Variants in TFPI observed in about 807,000 individuals in gnomAD.
TFPI encodes anti-convertin.
TFPI carries 15 observed loss-of-function variants against 34.6 expected under a neutral mutation model. That is an observed-to-expected ratio of 0.43 (90% CI 0.29 to 0.67). The LOEUF (loss-of-function observed/expected upper bound fraction) is 0.67. TFPI is among the 30% of genes least tolerant of loss of function. The probability of loss-of-function intolerance (pLI) is 0.15; values close to 1 mark genes in which losing one functional copy is unlikely to be tolerated. For synonymous variants in TFPI, 105 were observed against 120.1 expected, an observed-to-expected ratio of 0.87 and a Z score of 0.82; for missense variants, 301 against 364.0, an observed-to-expected ratio of 0.83 and a Z score of 1.41.
intron 1 of TFPI, among the ~76,000 whole-genome samples, chr2:187,529,819 T>G (rs1260176749): frequency 6.6e-6 from 1 of 152,236 alleles, no homozygotes. Context: ...AATTCAATTC[T>G]TTCCTTTCCA....
chr2:187,529,161 A>G (rs183541583), intron 1 of TFPI, among the ~76,000 whole-genome samples: 2 of 152,336 alleles, frequency 1.3e-5, no homozygotes, highest in Admixed American at 6.5e-5. Context: ...GTTTGGTAAG[A>G]ATGCTGCATC....
chr2:187,476,542 G>A (rs371633301), intron 6 of TFPI, among the ~76,000 whole-genome samples: 4 of 152,030 alleles, frequency 2.6e-5, no homozygotes, highest in South Asian at 4.1e-4. Context: ...GTCTCTGCAT[G>A]TCACCCAGGC....
intron 1 of TFPI, among the ~76,000 whole-genome samples, chr2:187,521,965 T>C (rs1687400326): frequency 6.6e-6 from 1 of 152,150 alleles, no homozygotes; most frequent in Non-Finnish European, 1.5e-5. Flanking sequence ...CTCATTATTA[T>C]TTGATTTTCA....
At chr2:187,535,711 A>G (rs1688212348) in intron 1 of TFPI, among the ~76,000 whole-genome samples, 1 of 152,292 alleles carries the variant, frequency 6.6e-6, no homozygotes. Flanking sequence ...AAAAGCTAAC[A>G]GAAGACAAGA....
chr2:187,517,887 T>C (rs1559138785), intron 1 of TFPI: 2 of 152,222 alleles, frequency 1.3e-5, no homozygotes, highest in East Asian at 3.8e-4. Context: ...CCCTTTACCA[T>C]TATATAACGC....
At chr2:187,552,177 T>C (rs545454342) in intron 1 of TFPI, among the ~76,000 whole-genome samples, 5 of 152,094 alleles carry the variant, frequency 3.3e-5, no homozygotes, top group African/African-American at 1.2e-4. Flanking sequence ...TAGGTAGAGA[T>C]ATCAGTTGAA....
At chr2:187,485,245 A>G (rs1037247398) in intron 4 of TFPI, among the ~76,000 whole-genome samples, 4 of 151,772 alleles carry the variant, frequency 2.6e-5, no homozygotes, top group African/African-American at 9.7e-5. Flanking sequence ...TAAGGAATAA[A>G]AGATTATTTT....
chr2:187,513,114 T>TA (rs1388102865), intron 1 of TFPI, among the ~76,000 whole-genome samples: 2 of 152,044 alleles, frequency 1.3e-5, no homozygotes, highest in Admixed American at 1.3e-4. Flanking sequence ...ATTAAAAGGT[T>TA]AAAAAAAAGT....
chr2:187,478,545 C>T (rs1170563922), intron 6 of TFPI: 1 of 1,267,434 alleles, frequency 7.9e-7, no homozygotes, highest in Non-Finnish European at 1.0e-6. Context: ...GCTAGTTAGA[C>T]ATTTACAAGT....
At chr2:187,527,066 A>ATTTTG (rs1261403484) in intron 1 of TFPI, 1 of 151,992 alleles carries the variant, frequency 6.6e-6, no homozygotes, top group Non-Finnish European at 1.5e-5. Context: ...ATGTGCTTTC[A>ATTTTG]TTTTGTTTTA....
intron 6 of TFPI, 200 bp downstream of exon 6, chr2:187,483,924 T>G: frequency 1.8e-6 from 1 of 544,526 alleles, no homozygotes. Flanking sequence ...AAGCATACTT[T>G]AAAATAGATT....
At chr2:187,532,856 A>C (rs1039771414) in intron 1 of TFPI, among the ~76,000 whole-genome samples, 2 of 152,278 alleles carry the variant, frequency 1.3e-5, no homozygotes, top group Admixed American at 1.3e-4. Flanking sequence ...CTAGCACAGC[A>C]GCCTTAAGTC....
Position 187,523,084 on chromosome 2 carries a change from C to A in TFPI, c.-2-19314G>T, listed in dbSNP as rs563687832. On this transcript the variant is annotated intron_variant, in intron 1 of 7. Coordinates refer to ENST00000233156, the MANE Select transcript of TFPI (RefSeq NM_006287.6). ...GTTTCACTGAGATACAATCACTATACAAGGAACTGCACATATTACTGTCTA... is the reference window on the plus strand; with the variant it reads ...GTTTCACTGAGATACAATCACTATAAAAGGAACTGCACATATTACTGTCTA... Among the ~76,000 whole-genome samples the A allele has an allele frequency of 3.3e-3, 506 of 151,996 alleles. 12 individuals are homozygous for A. The highest frequency in any genetic ancestry group is 0.012 in the African/African-American group (485 of 41,416).
Position 187,465,020 on chromosome 2 carries a change from G to A in TFPI, c.*1916C>T, listed in dbSNP as rs1220465129. The stretch of plus-strand genomic sequence containing the variant: ...GTAATTAACATTCAGTGTACAGTGA[G>A]CATTCTTAACTAAATCAAAGTAGTC... On this transcript the variant is annotated 3_prime_UTR_variant, in exon 8 of 8. Transcript: ENST00000233156. 6.6e-6 allele frequency: 1 copy of A among 152,144 alleles called. No homozygotes were observed. Among genetic ancestry groups the A allele is most frequent in the Admixed American group, 6.5e-5 (1 of 15,268 alleles). The allele number at this position is 152,144 out of a possible 1,614,324, so 9.4% of individuals were successfully genotyped here. A position where few individuals can be genotyped will look rare whatever the true frequency, so the allele number is the denominator to read the frequency against.
chr2:187,494,888 A>T (rs1234617246), intron 3 of TFPI, among the ~76,000 whole-genome samples: 1 of 152,018 alleles, frequency 6.6e-6, no homozygotes, highest in African/African-American at 2.4e-5. Flanking sequence ...ATACCCAGCT[A>T]ATTTTTGTAT....
chr2:187,474,194 T>G (rs558278620), intron 6 of TFPI, among the ~76,000 whole-genome samples: 1 of 152,318 alleles, frequency 6.6e-6, no homozygotes, highest in East Asian at 1.9e-4. Flanking sequence ...ATGTAAAATT[T>G]TAAGCCCTAC....
intron 1 of TFPI, among the ~76,000 whole-genome samples, chr2:187,533,687 C>T (rs1281605314): frequency 6.6e-6 from 1 of 152,140 alleles, no homozygotes; most frequent in Non-Finnish European, 1.5e-5. Context: ...TCCTTGCCAG[C>T]AAGGGAACAA....
At chr2:187,533,374 A>G (rs1017142619) in intron 1 of TFPI, among the ~76,000 whole-genome samples, 1 of 152,204 alleles carries the variant, frequency 6.6e-6, no homozygotes, top group Non-Finnish European at 1.5e-5. Flanking sequence ...AAGGAATAGC[A>G]GTAATCTTAG....
At chr2:187,524,930 G>C (rs1341739033) in intron 1 of TFPI, among the ~76,000 whole-genome samples, 1 of 151,964 alleles carries the variant, frequency 6.6e-6, no homozygotes, top group African/African-American at 2.4e-5. Context: ...GATGACTAAA[G>C]AAAGGTGGGC....
Sources: allele counts gnomAD v4.1 joint callset (sites outside exome capture counted in the v4.1 genomes callset), GRCh38; gene constraint gnomAD v4.1.1; transcripts MANE v1.5; gene names NCBI Gene and HGNC (gene_info 2026-07-23, HGNC 2026-07-21).